Variants in CD38 observed in about 807,000 individuals in gnomAD.
CD38 encodes ADP-ribosyl cyclase/cyclic ADP-ribose hydrolase 1.
In CD38, 31 loss-of-function variants were observed where a neutral mutation model predicts 36.3. That is an observed-to-expected ratio of 0.85 (90% CI 0.64 to 1.15). The LOEUF is 1.15. Among genes scored for constraint, CD38 ranks in the 50% most tolerant of loss-of-function variants. The pLI, the probability that CD38 is intolerant of heterozygous loss-of-function variation, is 0.00. For missense variants in CD38, 380 were observed against 371.9 expected (o/e 1.02, Z -0.18); for synonymous variants, 131 against 135.2 (o/e 0.97, Z 0.22).
In CD38 at chr4:15,840,549, T is replaced by C. The variant is rs1351155343; in HGVS notation, c.839+11T>C. 5 of 1,469,718 alleles carry C rather than the reference T, an allele frequency of 3.4e-6. No individual in the cohort carries two copies. In the South Asian group the frequency reaches 5.9e-5, roughly 17 times the overall value. The allele number at this position is 1,469,718 out of a possible 1,614,324, so 91.0% of individuals were successfully genotyped here. On this transcript the variant is annotated intron_variant, in intron 7 of 7. Transcript: ENST00000226279. ...CAAGAATATCTACAGGTAATTAATT[T>C]CTTCTTGAAGAAAAAAATGACTGTC... is the stretch of plus-strand genomic sequence containing the variant.
chr4:15,803,679 T>C (rs1463838513), intron 1 of CD38, among the ~76,000 whole-genome samples: 1 of 152,182 alleles, frequency 6.6e-6, no homozygotes, highest in African/African-American at 2.4e-5. Flanking sequence ...GCTTTTACTT[T>C]AGATTCAGGG....
chr4:15,829,934 G>A (rs1459729587), intron 3 of CD38, among the ~76,000 whole-genome samples: 1 of 151,930 alleles, frequency 6.6e-6, no homozygotes, highest in African/African-American at 2.4e-5. Context: ...ATTCTTTTTT[G>A]TGGCTGAATA....
intron 3 of CD38, among the ~76,000 whole-genome samples, chr4:15,831,765 A>G (rs1723964307): frequency 6.6e-6 from 1 of 152,096 alleles, no homozygotes; most frequent in Admixed American, 6.6e-5. Context: ...TTGGGGCAGC[A>G]TTCTTGGGTT....
At chr4:15,828,460 C>G (rs1191900746) in intron 3 of CD38, among the ~76,000 whole-genome samples, 1 of 152,204 alleles carries the variant, frequency 6.6e-6, no homozygotes, top group Non-Finnish European at 1.5e-5. Context: ...ATTTTGTACT[C>G]TTTGACCATC....
In CD38 at chr4:15,840,097, A is replaced by G; in HGVS notation, c.731A>G (p.His244Arg). 2 of 1,611,138 alleles carry G rather than the reference A, an allele frequency of 1.2e-6. No homozygotes were observed. Among genetic ancestry groups the G allele is most frequent in the Non-Finnish European group, 1.7e-6 (2 of 1,177,264 alleles). Reference protein sequence around the residue: ...KVQTLEAWVIHGGREDSRDLC... With the variant: ...KVQTLEAWVIRGGREDSRDLC... ...CAGACACTAGAGGCCTGGGTGATAC[A>G]TGGTGGAAGAGAAGATTCCAGGTAT... The change falls in exon 6 of 8, where the codon CAT (histidine) becomes CGT (arginine). Residue 244 changes from histidine to arginine, a missense_variant. Coordinates refer to ENST00000226279, the MANE Select transcript of CD38 (RefSeq NM_001775.4).
At chr4:15,847,595 CAAAAAAAAAAAAAAAAAA>C (rs71179666) in intron 7 of CD38, among the ~76,000 whole-genome samples, 660 of 38,186 alleles carry the variant, frequency 0.017, 27 homozygotes, top group Non-Finnish European at 0.02. Flanking sequence ...CTCTCAGAAG[CAAAAAAAAAAAAAAAAAA>C]AAAAAAAAAA....
intron 4 of CD38, among the ~76,000 whole-genome samples, chr4:15,836,217 G>A (rs1724067293): frequency 6.6e-6 from 1 of 152,088 alleles, no homozygotes; most frequent in Non-Finnish European, 1.5e-5. Context: ...CAGGATTAAG[G>A]TGCCAGCAGA....
chr4:15,822,002 G>A (rs1723746997), intron 2 of CD38, among the ~76,000 whole-genome samples: 1 of 152,194 alleles, frequency 6.6e-6, no homozygotes, highest in African/African-American at 2.4e-5. Flanking sequence ...CCATGATCAA[G>A]TTGGCTTCAT....
rs1295759465 is a variant in CD38, at chr4:15,816,676, G to T, written c.363+36G>T. On this transcript the variant is annotated intron_variant, in intron 2 of 7. Transcript: ENST00000226279. ...GCATGCCATTGATTTTAAAACTGGG[G>T]ATAAAAGCCAATGGTAACAATTCAT... The T allele has an allele frequency of 4.3e-6, 7 of 1,610,426 alleles. No homozygotes were observed. The South Asian group carries it at 4.4e-5, about 10-fold the overall frequency.
chr4:15,782,026 T>TCCTGG (rs1722708914), intron 1 of CD38, among the ~76,000 whole-genome samples: 6 of 152,324 alleles, frequency 3.9e-5, no homozygotes, highest in African/African-American at 1.4e-4. Flanking sequence ...ATGTCCCACT[T>TCCTGG]AACACGATGG....
At chr4:15,824,683 CA>C (rs1723808222) in intron 2 of CD38, among the ~76,000 whole-genome samples, 197 bp from the exon 3 acceptor site, 1 of 59,574 alleles carries the variant, frequency 1.7e-5, no homozygotes, top group African/African-American at 1.3e-4. Context: ...TGACCTAGAA[CA>C]CACACACACA....
rs147070346 is a variant in CD38 at position 15,824,792 on chromosome 4, GT to G, written c.364-79del. The G allele has an allele frequency of 9.0e-4, 841 of 934,376 alleles. 1 individual carries two copies. Among genetic ancestry groups the G allele is most frequent in the Non-Finnish European group, 7.6e-4 (474 of 623,090 alleles). The allele number at this position is 934,376 out of a possible 1,614,324, so 57.9% of individuals were successfully genotyped here. On this transcript the variant is annotated intron_variant, in intron 2 of 7. Transcript: ENST00000226279. ...TGGGTGATTTACTTTGATATGCTCTGTTTTTTTTTTCATTTACAAAACTGTG... is the reference window on the plus strand; with the variant it reads ...TGGGTGATTTACTTTGATATGCTCTGTTTTTTTTTCATTTACAAAACTGTG...
At chr4:15,820,918 A>G (rs1274217692) in intron 2 of CD38, among the ~76,000 whole-genome samples, 1 of 152,206 alleles carries the variant, frequency 6.6e-6, no homozygotes, top group Non-Finnish European at 1.5e-5. Context: ...ATCTACTCTA[A>G]AATTGATCAC....
chr4:15,787,666 G>A (rs895668603), intron 1 of CD38, among the ~76,000 whole-genome samples: 4 of 152,226 alleles, frequency 2.6e-5, no homozygotes, highest in Non-Finnish European at 5.9e-5. Flanking sequence ...GCCAGGACGT[G>A]TTCCTTGTGG....
chr4:15,841,134 A>C (rs1280176925), intron 7 of CD38, among the ~76,000 whole-genome samples: 1 of 152,214 alleles, frequency 6.6e-6, no homozygotes, highest in Non-Finnish European at 1.5e-5. Context: ...TTAAAGTCAC[A>C]TATAATTCTA....
chr4:15,809,429 G>A lies in CD38; in HGVS notation c.234-7082G>A, dbSNP rs917452542. Among the ~76,000 whole-genome samples, 9 of 152,162 alleles carry A rather than the reference G, an allele frequency of 5.9e-5. No individual in the cohort carries two copies. The South Asian group carries it at 8.3e-4, about 14-fold the overall frequency. On this transcript the variant is annotated intron_variant, in intron 1 of 7. Transcript: ENST00000226279. ...CTCATTTGCGAAATGAAGGGGTTTC[G>A]TTAGGTTACTTCTCATCACCCCTGG... is the stretch of plus-strand genomic sequence containing the variant.
chr4:15,835,674 G>A (rs188232686), intron 4 of CD38, among the ~76,000 whole-genome samples: 37 of 152,112 alleles, frequency 2.4e-4, no homozygotes, highest in South Asian at 1.5e-3. Flanking sequence ...CACCATGCCC[G>A]GCTAATTTTT....
chr4:15,778,360 C>G lies in CD38; in HGVS notation c.-55C>G. 8.3e-7 allele frequency: 1 copy of G among 1,204,184 alleles called. No homozygotes were observed. The highest frequency in any genetic ancestry group is 1.2e-6 in the Non-Finnish European group (1 of 814,114). The allele number at this position is 1,204,184 out of a possible 1,614,324, so 74.6% of individuals were successfully genotyped here. A position where few individuals can be genotyped will look rare whatever the true frequency, so the allele number is the denominator to read the frequency against. ...CAGAACCCAGCCAGCCTCTCTCTTGCTGCCTAGCCTCCTGCCGGCCTCATC... is the reference window on the plus strand; with the variant it reads ...CAGAACCCAGCCAGCCTCTCTCTTGGTGCCTAGCCTCCTGCCGGCCTCATC... On this transcript the variant is annotated 5_prime_UTR_variant, in exon 1 of 8. Transcript: ENST00000226279. The surrounding 1 kb of genome is among the most constrained non-coding windows in gnomAD (Gnocchi z 4.9).
At chr4:15,838,042 G>A (rs187427924) in intron 4 of CD38, 50 bp from the exon 5 acceptor site, 2 of 1,400,262 alleles carry the variant, frequency 1.4e-6, no homozygotes, top group African/African-American at 2.8e-5. Context: ...AACTGCTGGA[G>A]GATGGTGATT....
Sources: gnomAD v4.1 joint callset for allele counts (sites outside exome capture counted in the v4.1 genomes callset) on GRCh38, gnomAD v4.1.1 for gene constraint, Gnocchi (gnomAD v3.1) non-coding constraint, MANE v1.5 for transcripts, NCBI Gene and HGNC (gene_info 2026-07-23, HGNC 2026-07-21) for gene names.